MAPK10: variants seen among roughly 807,000 people sequenced by gnomAD.
MAPK10 encodes mitogen-activated protein kinase 10, also known as JNK3 alpha protein kinase.
A neutral mutation model predicts 59.3 loss-of-function variants in MAPK10; 25 were observed. The ratio of observed to expected loss-of-function variants is 0.42; its 90% CI spans 0.31 to 0.59. MAPK10 has a LOEUF of 0.59. Among genes scored for constraint, MAPK10 ranks in the 20% least tolerant of loss-of-function variants. The pLI is 0.15. For missense variants in MAPK10, 351 were observed against 568.9 expected, an observed-to-expected ratio of 0.62 and a Z score of 3.90; for synonymous variants, 190 against 200.5, an observed-to-expected ratio of 0.95 and a Z score of 0.44.
At chr4:86,302,992 A>C (rs1311459386) in intron 2 of MAPK10, among the ~76,000 whole-genome samples, 1 of 152,142 alleles carries the variant, frequency 6.6e-6, no homozygotes, top group East Asian at 1.9e-4. Flanking sequence ...CCTCCTGTCC[A>C]CTTTAGACTC....
intron 13 of MAPK10, among the ~76,000 whole-genome samples, chr4:86,018,748 G>T (rs567488137): frequency 6.6e-6 from 1 of 152,268 alleles, no homozygotes; most frequent in African/African-American, 2.4e-5. Context: ...AAAATCTGTA[G>T]TATAGTCCCC....
At chr4:86,080,877 A>G (rs116246920) in intron 9 of MAPK10, 414 of 152,176 alleles carry the variant, frequency 2.7e-3, no homozygotes, top group African/African-American at 9.7e-3. Context: ...TACGACTCCA[A>G]AATAAATACC....
chr4:86,262,161 C>CT (rs1015517336), intron 2 of MAPK10, among the ~76,000 whole-genome samples: 6 of 152,148 alleles, frequency 3.9e-5, no homozygotes, highest in Non-Finnish European at 8.8e-5. Flanking sequence ...AGAGGTGGGA[C>CT]TTTTAAGAGG....
intron 2 of MAPK10, among the ~76,000 whole-genome samples, chr4:86,216,643 A>G (rs1453098252): frequency 1.3e-5 from 2 of 152,004 alleles, no homozygotes; most frequent in Non-Finnish European, 2.9e-5. Flanking sequence ...ATAAAATAAT[A>G]GAAACACTAA....
intron 4 of MAPK10, among the ~76,000 whole-genome samples, chr4:86,155,937 C>T (rs1201255811): frequency 1.3e-5 from 2 of 151,994 alleles, no homozygotes; most frequent in East Asian, 3.9e-4. Flanking sequence ...AAGTGACCAA[C>T]AGGTGTATCA....
intron 4 of MAPK10, among the ~76,000 whole-genome samples, chr4:86,110,539 C>G (rs896553087): frequency 6.6e-6 from 1 of 152,014 alleles, no homozygotes; most frequent in Non-Finnish European, 1.5e-5. Context: ...TGGTTGTAAA[C>G]GTGCAGTCTT....
intron 1 of MAPK10, chr4:86,356,547 G>A (rs930356899): frequency 8.0e-6 from 5 of 627,998 alleles, no homozygotes; most frequent in Non-Finnish European, 9.9e-6. Flanking sequence ...CAAAAGATAT[G>A]CAAAACACAG....
At chr4:86,388,115 C>A (rs1741740540) in intron 1 of MAPK10, among the ~76,000 whole-genome samples, 1 of 151,600 alleles carries the variant, frequency 6.6e-6, no homozygotes, top group Non-Finnish European at 1.5e-5. Flanking sequence ...AAAATCCACA[C>A]TGAATACTTA....
chr4:86,196,621 T>C (rs1474719766), intron 2 of MAPK10, among the ~76,000 whole-genome samples: 1 of 152,204 alleles, frequency 6.6e-6, no homozygotes, highest in Non-Finnish European at 1.5e-5. Context: ...GTTTTAGTCA[T>C]GAAGTCTTTG....
At chr4:86,441,696 T>C (rs1749445411) in intron 1 of MAPK10, among the ~76,000 whole-genome samples, 2 of 152,168 alleles carry the variant, frequency 1.3e-5, no homozygotes, top group African/African-American at 4.8e-5. Context: ...ACTCTAGTGA[T>C]TTAAAAAACA....
chr4:86,387,391 T>A (rs1172214968), intron 1 of MAPK10, among the ~76,000 whole-genome samples: 2 of 152,172 alleles, frequency 1.3e-5, no homozygotes, highest in African/African-American at 4.8e-5. Context: ...CTCAAAATAA[T>A]CAAGTTTTTA....
At chr4:86,333,316 CTCT>C (rs1240734031) in intron 2 of MAPK10, among the ~76,000 whole-genome samples, 3 of 152,146 alleles carry the variant, frequency 2.0e-5, no homozygotes, top group Non-Finnish European at 4.4e-5. Flanking sequence ...CCCCTCTCTG[CTCT>C]GCCCCGAAAT....
intron 1 of MAPK10, among the ~76,000 whole-genome samples, chr4:86,575,681 T>C (rs1271048860): frequency 6.6e-6 from 1 of 151,656 alleles, no homozygotes; most frequent in Non-Finnish European, 1.5e-5. Context: ...TTCTAGTCTG[T>C]TGATATGCAG....
At chr4:86,039,642 T>A (rs1333759448) in intron 11 of MAPK10, among the ~76,000 whole-genome samples, 2 of 152,130 alleles carry the variant, frequency 1.3e-5, no homozygotes, top group Non-Finnish European at 2.9e-5. Context: ...TCCCCTATAA[T>A]CCTGGACATC....
intron 9 of MAPK10, among the ~76,000 whole-genome samples, chr4:86,070,413 TA>T (rs2047633720): frequency 6.6e-6 from 1 of 151,892 alleles, no homozygotes; most frequent in South Asian, 2.1e-4. Context: ...TATTATACTT[TA>T]AGTTTTAGGG....
At chr4:86,078,970 C>T (rs1253317516) in intron 9 of MAPK10, among the ~76,000 whole-genome samples, 4 of 151,622 alleles carry the variant, frequency 2.6e-5, no homozygotes, top group Admixed American at 6.6e-5. Context: ...GCCTGGGCAA[C>T]GAGAGTGAAA....
intron 2 of MAPK10, among the ~76,000 whole-genome samples, chr4:86,301,747 G>A (rs1287765864): frequency 6.6e-6 from 1 of 152,110 alleles, no homozygotes; most frequent in Admixed American, 6.6e-5. Context: ...ATGCTCCAGA[G>A]AGAAACACAA....
chr4:86,106,424 A>C, intron 5 of MAPK10, among the ~76,000 whole-genome samples: 1 of 148,862 alleles, frequency 6.7e-6, no homozygotes, highest in Non-Finnish European at 1.5e-5. Context: ...TATTTATAAT[A>C]ATTTATAATT....
intron 3 of MAPK10, 135 bp downstream of exon 3, chr4:86,194,201 G>T: frequency 1.4e-6 from 1 of 702,040 alleles, no homozygotes. Context: ...CAGCCGTCTT[G>T]CCAGCTCCTA....
Sources: allele counts gnomAD v4.1 joint callset (sites outside exome capture counted in the v4.1 genomes callset), GRCh38; gene constraint gnomAD v4.1.1; transcripts MANE v1.5; gene names NCBI Gene and HGNC (gene_info 2026-07-23, HGNC 2026-07-21).